The following PLS1 variants were observed in gnomAD, a reference collection of about 807,000 sequenced individuals.
PLS1 encodes the protein plastin-1.
PLS1 carries 32 observed loss-of-function variants against 73.7 expected under a neutral mutation model. That is an observed-to-expected ratio of 0.43 (90% CI 0.33 to 0.58). PLS1 has a LOEUF of 0.58. PLS1 is among the 20% of genes least tolerant of loss of function. The pLI, the probability that PLS1 is intolerant of heterozygous loss-of-function variation, is 0.04. For synonymous variants in PLS1, 217 were observed against 261.3 expected (o/e 0.83, Z 1.63); for missense variants, 633 against 740.5 (o/e 0.85, Z 1.68).
chr3:142,690,442 G>A (rs1379988460), intron 10 of PLS1, among the ~76,000 whole-genome samples: 1 of 151,970 alleles, frequency 6.6e-6, no homozygotes, highest in African/African-American at 2.4e-5. Context: ...TGTTCATGCT[G>A]TGTTATTTCT....
chr3:142,631,281 C>T (rs1413863144), intron 1 of PLS1, among the ~76,000 whole-genome samples: 1 of 151,496 alleles, frequency 6.6e-6, no homozygotes, highest in Non-Finnish European at 1.5e-5. Context: ...TGGGAGGCCA[C>T]GGTGGGCGGA....
chr3:142,711,298 C>G (rs1484097257), intron 14 of PLS1, among the ~76,000 whole-genome samples: 1 of 152,102 alleles, frequency 6.6e-6, no homozygotes, highest in Non-Finnish European at 1.5e-5. Context: ...GATATGGTGA[C>G]AACTCTATAT....
At chr3:142,613,140 A>T (rs2036153744) in intron 1 of PLS1, among the ~76,000 whole-genome samples, 1 of 152,196 alleles carries the variant, frequency 6.6e-6, no homozygotes, top group Admixed American at 6.5e-5. Flanking sequence ...AAGTCTGAGA[A>T]GAAAGAGAAG....
At position 142,686,234 on chromosome 3, in the gene PLS1, A is replaced by G. The variant is rs145958483; in HGVS notation, c.889-50A>G. The G allele has an allele frequency of 7.5e-5, 80 of 1,071,514 alleles. No individual in the cohort carries two copies. In the East Asian group the frequency reaches 1.7e-3, roughly 22 times the overall value. 66.4% of individuals were successfully genotyped at this position (1,071,514 alleles called of 1,614,324 possible). ...TGAGCACTTGTTTTCCCTAAATTCA[A>G]TGATGATTTTATTCGTTTTAAAAAT... On this transcript the variant is annotated intron_variant, in intron 8 of 15. Transcript: ENST00000457734.
intron 10 of PLS1, among the ~76,000 whole-genome samples, chr3:142,690,551 T>C (rs73230564): frequency 0.13 from 19,668 of 152,196 alleles, 1,271 homozygotes; most frequent in African/African-American, 0.16. Flanking sequence ...TTGCCTTCTA[T>C]AATGATGGGA....
intron 2 of PLS1, among the ~76,000 whole-genome samples, chr3:142,665,497 A>G (rs573524339): frequency 2.0e-5 from 3 of 152,294 alleles, no homozygotes; most frequent in South Asian, 4.1e-4. Flanking sequence ...AGAGAATTGT[A>G]TGTAGTGTCC....
At position 142,697,992 on chromosome 3, in the gene PLS1, G is replaced by C; in HGVS notation, c.1296G>C (p.Glu432Asp). ...CTTTAGTGATCTTTCAGCTCTATGA[G>C]ATGATCCGAGTGCCAGTCAACTGGA... Reference protein sequence around the residue: ...ADALVIFQLYEMIRVPVNWSH... With the variant: ...ADALVIFQLYDMIRVPVNWSH... The change falls in exon 12 of 16, where the codon GAG (glutamate) becomes GAC (aspartate). Residue 432 changes from glutamate to aspartate, a missense_variant. By Grantham distance (45) the Glu-to-Asp change is conservative. Transcript: ENST00000457734. The C allele has an allele frequency of 1.2e-6, 2 of 1,613,580 alleles. No homozygotes were observed. Among genetic ancestry groups the C allele is most frequent in the Non-Finnish European group, 1.7e-6 (2 of 1,179,542 alleles).
At chr3:142,653,633 G>A (rs547669496) in intron 1 of PLS1, among the ~76,000 whole-genome samples, 3 of 152,028 alleles carry the variant, frequency 2.0e-5, no homozygotes, top group South Asian at 2.1e-4. Flanking sequence ...CAAAGTGCTG[G>A]GATTACACGT....
intron 15 of PLS1, 33 bp from the exon 16 acceptor site, chr3:142,711,839 A>G (rs1381200332): frequency 1.2e-6 from 2 of 1,607,068 alleles, no homozygotes; most frequent in Non-Finnish European, 1.7e-6. Flanking sequence ...AACACAGTGG[A>G]TAACACCAAG....
intron 6 of PLS1, among the ~76,000 whole-genome samples, chr3:142,678,553 G>T (rs2037774081): frequency 6.6e-6 from 1 of 151,518 alleles, no homozygotes; most frequent in Admixed American, 6.6e-5. Context: ...ATAGTTTACT[G>T]AGACTGATGA....
At chr3:142,670,927 A>G in intron 3 of PLS1, 66 bp from the exon 4 acceptor site, 1 of 1,096,228 alleles carries the variant, frequency 9.1e-7, no homozygotes, top group South Asian at 1.4e-5. Flanking sequence ...AAGTGTAAAT[A>G]AATATCCATT....
At chr3:142,628,206 G>A (rs1475081519) in intron 1 of PLS1, among the ~76,000 whole-genome samples, 1 of 152,122 alleles carries the variant, frequency 6.6e-6, no homozygotes, top group East Asian at 1.9e-4. Flanking sequence ...TGGGACTCGG[G>A]CACACTGAAA....
At chr3:142,656,293 TC>T in intron 1 of PLS1, among the ~76,000 whole-genome samples, 1 of 152,194 alleles carries the variant, frequency 6.6e-6, no homozygotes, top group Non-Finnish European at 1.5e-5. Flanking sequence ...ATCATAGCTG[TC>T]CCTTGTGAAT....
intron 1 of PLS1, among the ~76,000 whole-genome samples, chr3:142,661,946 A>G (rs2037381524): frequency 6.6e-6 from 1 of 152,166 alleles, no homozygotes; most frequent in Non-Finnish European, 1.5e-5. Flanking sequence ...AAAAATAGGA[A>G]CACTCTTACA....
intron 1 of PLS1, among the ~76,000 whole-genome samples, chr3:142,598,557 G>A (rs776135678): frequency 6.6e-6 from 1 of 152,184 alleles, no homozygotes; most frequent in Non-Finnish European, 1.5e-5. Context: ...GTGACTCAAA[G>A]TGGAGAAAAG....
intron 9 of PLS1, among the ~76,000 whole-genome samples, chr3:142,688,275 A>G (rs1265945501): frequency 1.3e-5 from 2 of 152,302 alleles, no homozygotes; most frequent in African/African-American, 4.8e-5. Flanking sequence ...GATGTCTACA[A>G]TGGTAACTTT....
chr3:142,676,849 A>G (rs925584869), intron 5 of PLS1, among the ~76,000 whole-genome samples: 16 of 152,236 alleles, frequency 1.1e-4, no homozygotes, highest in African/African-American at 3.9e-4. Flanking sequence ...TATAAAAAGT[A>G]CAAAAGATTT....
intron 14 of PLS1, among the ~76,000 whole-genome samples, chr3:142,708,808 A>C (rs1932972203): frequency 6.6e-6 from 1 of 152,210 alleles, no homozygotes; most frequent in African/African-American, 2.4e-5. Flanking sequence ...AATGTCTTTC[A>C]CTGATAATGT....
chr3:142,605,686 T>C (rs1334330855), intron 1 of PLS1, among the ~76,000 whole-genome samples: 1 of 152,214 alleles, frequency 6.6e-6, no homozygotes, highest in African/African-American at 2.4e-5. Context: ...ATGAAATAAT[T>C]CCTCTATGAA....
Sources: gnomAD v4.1 joint callset for allele counts (sites outside exome capture counted in the v4.1 genomes callset) on GRCh38, gnomAD v4.1.1 for gene constraint, MANE v1.5 for transcripts, NCBI Gene and HGNC (gene_info 2026-07-23, HGNC 2026-07-21) for gene names.